The following SYNE1 variants were observed in gnomAD, a reference collection of about 807,000 sequenced individuals.
SYNE1 encodes the protein nesprin-1.
SYNE1 carries 616 observed loss-of-function variants against 1,111.0 expected under a neutral mutation model. The ratio of observed to expected loss-of-function variants is 0.55; its 90% confidence interval spans 0.52 to 0.59. The LOEUF (loss-of-function observed/expected upper bound fraction) is 0.59, where lower values mean the gene tolerates loss of function less well. Ranked by LOEUF, SYNE1 falls within the 20% of genes least tolerant of loss-of-function variation. The pLI is 0.00. For synonymous variants in SYNE1, 3,855 were observed against 3,825.8 expected, an observed-to-expected ratio of 1.01 and a Z score of -0.28; for missense variants, 10,006 against 10,417.0, an observed-to-expected ratio of 0.96 and a Z score of 1.72.
chr6:152,160,846 G>A (rs6934344), intron 131 of SYNE1, among the ~76,000 whole-genome samples: 50,707 of 151,892 alleles, frequency 0.33, 10,368 homozygotes, highest in African/African-American at 0.57. Flanking sequence ...GTGTTTTGCA[G>A]TTTTACAGTG....
chr6:152,353,144 T>C, intron 69 of SYNE1, 119 bp downstream of exon 69: 1 of 1,353,198 alleles, frequency 7.4e-7, no homozygotes, highest in Non-Finnish European at 1.1e-6. Flanking sequence ...AATGATGAGC[T>C]CAGGATCACC....
chr6:152,309,246 G>C (rs913868997), intron 90 of SYNE1, among the ~76,000 whole-genome samples: 23 of 152,308 alleles, frequency 1.5e-4, no homozygotes, highest in African/African-American at 5.1e-4. Context: ...AGGGAGGAAA[G>C]GGTAGTTGAC....
At chr6:152,315,309 C>G (rs1246872422) in intron 87 of SYNE1, 1 of 148,980 alleles carries the variant, frequency 6.7e-6, no homozygotes, top group Admixed American at 6.8e-5. Flanking sequence ...TCAAGCGATT[C>G]TCCTGCCTCA....
chr6:152,599,906 A>G (rs913733608), intron 3 of SYNE1, among the ~76,000 whole-genome samples: 2 of 152,246 alleles, frequency 1.3e-5, no homozygotes, highest in African/African-American at 4.8e-5. Context: ...GATATCTGGT[A>G]GGTGAAATGT....
chr6:152,235,299 C>T (rs1193547965), intron 110 of SYNE1, among the ~76,000 whole-genome samples: 1 of 152,164 alleles, frequency 6.6e-6, no homozygotes, highest in Non-Finnish European at 1.5e-5. Context: ...ATGCATCTGC[C>T]TCCCTGCTCA....
intron 33 of SYNE1, chr6:152,434,316 T>C: frequency 4.5e-6 from 1 of 223,516 alleles, no homozygotes. Context: ...TGTACACAGC[T>C]TTTCAATAGT....
Position 152,441,161 on chromosome 6 carries a change from T to C in SYNE1, c.4118A>G (p.Glu1373Gly). 3 of 1,613,758 alleles carry C rather than the reference T, an allele frequency of 1.9e-6. No homozygotes were observed. Among genetic ancestry groups the C allele is most frequent in the Non-Finnish European group, 2.5e-6 (3 of 1,179,862 alleles). ...HERFLSFSSL[E>G]SLSSELEQTK... ...TTGTTCCAGTTCTGAAGATAAACTT[T>C]CCAAACTGCTAAAACTCAAGAAGCG... The change falls in exon 32 of 146, where the codon GAA (glutamate) becomes GGA (glycine). Residue 1373 changes from glutamate to glycine, a missense_variant. This residue lies in a region of SYNE1 where 1,971 missense variants were observed against 2,084.1 expected (regional missense o/e 0.95). Coordinates refer to ENST00000367255, the MANE Select transcript of SYNE1 (RefSeq NM_182961.4).
At position 152,448,444 on chromosome 6, in the gene SYNE1, T is replaced by C. The variant is rs190351251; in HGVS notation, c.3505-822A>G. Among the ~76,000 whole-genome samples the C allele has an allele frequency of 7.9e-5, 12 of 152,320 alleles. No individual in the cohort carries two copies. The East Asian group carries it at 1.9e-3, about 24-fold the overall frequency. On this transcript the variant is annotated intron_variant, in intron 28 of 145. Coordinates refer to ENST00000367255, the MANE Select transcript of SYNE1 (RefSeq NM_182961.4). Reference sequence around the variant, plus strand: ...CTCTTCATTCTAGGATGTGAATTTTTTTTTGTGCGATGCAAGCAACCAGTA... The same window carrying C: ...CTCTTCATTCTAGGATGTGAATTTTCTTTTGTGCGATGCAAGCAACCAGTA...
intron 58 of SYNE1, 123 bp from the exon 59 acceptor site, chr6:152,373,342 C>A (rs552314831): frequency 5.1e-5 from 45 of 874,942 alleles, no homozygotes; most frequent in East Asian, 1.6e-4. Flanking sequence ...TGCAGTAGTG[C>A]GATCTCGGCT....
intron 42 of SYNE1, among the ~76,000 whole-genome samples, chr6:152,411,656 T>C (rs933363519): frequency 2.0e-5 from 3 of 147,960 alleles, no homozygotes; most frequent in Non-Finnish European, 4.4e-5. Context: ...GTGCCAATTC[T>C]GAGCACAGTG....
Position 152,148,021 on chromosome 6 carries a change from C to A in SYNE1, c.24976+24G>T. 2 of 1,607,130 alleles carry A rather than the reference C, an allele frequency of 1.2e-6. No homozygotes were observed. Among genetic ancestry groups the A allele is most frequent in the Non-Finnish European group, 1.7e-6 (2 of 1,175,028 alleles). ...TCCCTCTGACTTTCCTTTAAGCTGG[C>A]AAACTGGAGAGGCTCTTTCCTACCT... is the stretch of plus-strand genomic sequence containing the variant. On this transcript the variant is annotated intron_variant, in intron 137 of 145. Coordinates refer to ENST00000367255, the MANE Select transcript of SYNE1 (RefSeq NM_182961.4). This position sits in a 1 kb window ranked among gnomAD's most constrained non-coding sequence, Gnocchi z 4.1.
intron 3 of SYNE1, among the ~76,000 whole-genome samples, chr6:152,616,722 T>C (rs1266227603): frequency 6.6e-6 from 1 of 152,132 alleles, no homozygotes; most frequent in Admixed American, 6.5e-5. Context: ...TTACTTCCAT[T>C]CTTCTTATAC....
Position 152,177,480 on chromosome 6 carries a change from T to C in SYNE1, c.23461-920A>G, listed in dbSNP as rs917841664. On this transcript the variant is annotated intron_variant, in intron 129 of 145. Coordinates refer to ENST00000367255, the MANE Select transcript of SYNE1 (RefSeq NM_182961.4). ...AAATAATATATGAAGACGGGTATTA[T>C]ATGAGTGTGAACATTTTAACCTTCT... is the stretch of plus-strand genomic sequence containing the variant. 4.6e-5 allele frequency among the ~76,000 whole-genome samples: 7 copies of C among 152,356 alleles called. No homozygotes were observed. The Middle Eastern group carries it at 0.01, about 222-fold the overall frequency.
At chr6:152,124,075 G>A (rs1013627218) in intron 145 of SYNE1, among the ~76,000 whole-genome samples, 1 of 152,254 alleles carries the variant, frequency 6.6e-6, no homozygotes, top group African/African-American at 2.4e-5. Flanking sequence ...TGTAATCCCA[G>A]CGCTTTGGGA....
intron 87 of SYNE1, among the ~76,000 whole-genome samples, chr6:152,312,760 A>C (rs961244529): frequency 6.6e-6 from 1 of 151,988 alleles, no homozygotes; most frequent in Non-Finnish European, 1.5e-5. Context: ...AATAACTTTA[A>C]GAGTTAACTG....
intron 3 of SYNE1, among the ~76,000 whole-genome samples, chr6:152,543,189 C>T (rs1006455889): frequency 1.3e-5 from 2 of 152,052 alleles, no homozygotes; most frequent in African/African-American, 4.8e-5. Context: ...TTAGAATCCT[C>T]AAATTATCTT....
chr6:152,578,099 C>A lies in SYNE1; in HGVS notation c.68-38078G>T, dbSNP rs188843299. ...TTTTTTGCTACAATAGGCAGTGAAACAATTGCAAACTATTTTTCTTTTGTT... is the reference window on the plus strand; with the variant it reads ...TTTTTTGCTACAATAGGCAGTGAAAAAATTGCAAACTATTTTTCTTTTGTT... On this transcript the variant is annotated intron_variant, in intron 3 of 145. Transcript: ENST00000367255. Among the ~76,000 whole-genome samples, 7 of 152,074 alleles carry A rather than the reference C, an allele frequency of 4.6e-5. No individual in the cohort carries two copies. The East Asian group carries it at 1.4e-3, about 29-fold the overall frequency.
chr6:152,533,785 T>C (rs1224015056), intron 4 of SYNE1, among the ~76,000 whole-genome samples: 2 of 152,212 alleles, frequency 1.3e-5, no homozygotes, highest in East Asian at 3.8e-4. Flanking sequence ...TGGTCACTGC[T>C]ACATTTTCAG....
In SYNE1 at chr6:152,135,215, G is replaced by GCT; in HGVS notation, c.25675_25676dup (p.Ser8559ArgfsTer41). 1 of 1,613,952 alleles carries GCT rather than the reference G, an allele frequency of 6.2e-7. No individual in the cohort carries two copies. Among genetic ancestry groups the GCT allele is most frequent in the African/African-American group, 1.3e-5 (1 of 75,006 alleles). The stretch of plus-strand genomic sequence containing the variant: ...TCTCCAGCATAAGAAGCAAACCATG[G>GCT]CTCATTTCATGGAAACCCTACAGAA... On this transcript the variant is annotated frameshift_variant, in exon 142 of 146. Transcript: ENST00000367255. LOFTEE classifies it high-confidence loss of function.
Sources: allele counts gnomAD v4.1 joint callset (sites outside exome capture counted in the v4.1 genomes callset), GRCh38; gene constraint gnomAD v4.1.1; regional missense constraint gnomAD v4.1.1; non-coding constraint Gnocchi (gnomAD v3.1); transcripts MANE v1.5; gene names NCBI Gene and HGNC (gene_info 2026-07-23, HGNC 2026-07-21).